Variants in IFT56 observed in about 807,000 individuals in gnomAD.
The protein encoded by IFT56 is intraflagellar transport protein 56.
chr7:139,181,826 A>G, the IFT56 span, among the ~76,000 whole-genome samples: 2 of 152,192 alleles, frequency 1.3e-5, no homozygotes, highest in Non-Finnish European at 2.9e-5. Flanking sequence ...AGGCACAGTA[A>G]AAATATAATA....
the IFT56 span, among the ~76,000 whole-genome samples, chr7:139,144,597 ATATG>A: frequency 6.6e-6 from 1 of 151,644 alleles, no homozygotes; most frequent in Non-Finnish European, 1.5e-5. Flanking sequence ...GCTCCCAGTA[ATATG>A]TATGTATGTA....
At chr7:139,155,565 C>T in the IFT56 span, among the ~76,000 whole-genome samples, 1 of 152,032 alleles carries the variant, frequency 6.6e-6, no homozygotes, top group African/African-American at 2.4e-5. Flanking sequence ...GGGTTTTATT[C>T]TATTGATATG....
the IFT56 span, among the ~76,000 whole-genome samples, chr7:139,149,458 C>A: frequency 4.6e-3 from 700 of 152,024 alleles, 3 homozygotes; most frequent in Non-Finnish European, 7.8e-3. Context: ...TTTCTCACCT[C>A]TTATTTTGGC....
At chr7:139,182,625 T>TTAG in the IFT56 span, among the ~76,000 whole-genome samples, 1 of 152,064 alleles carries the variant, frequency 6.6e-6, no homozygotes, top group African/African-American at 2.4e-5. Flanking sequence ...TTAACCGTAG[T>TTAG]TAGTGGTGGT....
chr7:139,191,874 A>G, the IFT56 span: 2 of 152,340 alleles, frequency 1.3e-5, no homozygotes, highest in South Asian at 2.1e-4. Context: ...TATAGTCTAT[A>G]GCATACATTA....
chr7:139,173,518 C>T, the IFT56 span: 8 of 751,828 alleles, frequency 1.1e-5, no homozygotes, highest in South Asian at 2.7e-5. Context: ...TGTGAGCCAC[C>T]GCACCCGGCA....
the IFT56 span, chr7:139,179,617 T>C: frequency 6.2e-7 from 1 of 1,614,104 alleles, no homozygotes; most frequent in Non-Finnish European, 8.5e-7. Flanking sequence ...AATGATTACA[T>C]TTACCTCAGC....
At chr7:139,186,421 ATC>A in the IFT56 span, among the ~76,000 whole-genome samples, 4 of 151,130 alleles carry the variant, frequency 2.6e-5, no homozygotes, top group Admixed American at 2.6e-4. Flanking sequence ...GCAAGATCCT[ATC>A]TCTAAAAAAA....
At chr7:139,145,140 C>A in the IFT56 span, among the ~76,000 whole-genome samples, 1 of 152,162 alleles carries the variant, frequency 6.6e-6, no homozygotes, top group East Asian at 1.9e-4. Flanking sequence ...TAAAGCTGGT[C>A]TATTTCCATT....
chr7:139,158,939 A>G, the IFT56 span, among the ~76,000 whole-genome samples: 3 of 152,070 alleles, frequency 2.0e-5, no homozygotes, highest in African/African-American at 7.2e-5. Flanking sequence ...TTAAAAATCA[A>G]CGTTATACCA....
At chr7:139,171,332 G>A in the IFT56 span, among the ~76,000 whole-genome samples, 5 of 152,004 alleles carry the variant, frequency 3.3e-5, no homozygotes, top group African/African-American at 1.2e-4. Context: ...CATAAAAATA[G>A]AAAAAACAAT....
the IFT56 span, chr7:139,173,018 G>A: frequency 1.4e-6 from 1 of 727,896 alleles, no homozygotes; most frequent in African/African-American, 1.7e-5. Flanking sequence ...TTGGTGGTGT[G>A]GCTCAGGGAC....
chr7:139,182,161 A>G, the IFT56 span, among the ~76,000 whole-genome samples: 2,475 of 152,268 alleles, frequency 0.016, 68 homozygotes, highest in African/African-American at 0.056. Context: ...AGCCTCAAAA[A>G]AAGATTAAGA....
chr7:139,154,353 C>CTTT, the IFT56 span, among the ~76,000 whole-genome samples: 3 of 131,772 alleles, frequency 2.3e-5, no homozygotes, highest in African/African-American at 5.4e-5. Flanking sequence ...CAAAGTTATC[C>CTTT]TTTTTTTTTT....
the IFT56 span, chr7:139,191,171 A>C: frequency 6.6e-6 from 1 of 152,222 alleles, no homozygotes; most frequent in Non-Finnish European, 1.5e-5. Flanking sequence ...TAATCAGTTC[A>C]GAGCACAAAT....
the IFT56 span, among the ~76,000 whole-genome samples, chr7:139,150,855 T>G: frequency 1.3e-5 from 2 of 152,218 alleles, no homozygotes; most frequent in African/African-American, 4.8e-5. Flanking sequence ...AAGTGGCAAA[T>G]GCAGATCTCA....
chr7:139,185,398 C>T, the IFT56 span, among the ~76,000 whole-genome samples: 2 of 151,966 alleles, frequency 1.3e-5, no homozygotes, highest in South Asian at 4.1e-4. Context: ...TACACATGAC[C>T]TCTGTCCTAT....
the IFT56 span, chr7:139,179,607 A>G: frequency 6.2e-7 from 1 of 1,614,050 alleles, no homozygotes; most frequent in Non-Finnish European, 8.5e-7. Flanking sequence ...GAAGATGAAA[A>G]ATGATTACAT....
chr7:139,188,030 A>G, the IFT56 span, among the ~76,000 whole-genome samples: 1 of 151,468 alleles, frequency 6.6e-6, no homozygotes, highest in Non-Finnish European at 1.5e-5. Context: ...ATTCTAGGAA[A>G]TACTGAGACA....
Sources: allele counts gnomAD v4.1 joint callset (sites outside exome capture counted in the v4.1 genomes callset), GRCh38; gene constraint gnomAD v4.1.1; transcripts MANE v1.5; gene names NCBI Gene and HGNC (gene_info 2026-07-23, HGNC 2026-07-21).